Variants in CYP19A1 observed in about 807,000 individuals in gnomAD.
The protein encoded by CYP19A1 is aromatase.
A neutral mutation model predicts 44.4 loss-of-function variants in CYP19A1; 32 were observed. The observed-to-expected ratio is 0.72, with a 90% confidence interval of 0.54 to 0.97. The LOEUF is 0.97. Ranked by LOEUF, CYP19A1 falls within the 50% of genes least tolerant of loss-of-function variation. The pLI, the probability that CYP19A1 is intolerant of heterozygous loss-of-function variation, is 0.00. For synonymous variants in CYP19A1, 212 were observed against 215.6 expected (o/e 0.98, Z 0.14); for missense variants, 598 against 637.8 (o/e 0.94, Z 0.67).
At chr15:51,227,072 C>T (rs2032644426) in intron 4 of CYP19A1, among the ~76,000 whole-genome samples, 2 of 152,112 alleles carry the variant, frequency 1.3e-5, no homozygotes, top group Admixed American at 1.3e-4. Context: ...AAATTCTTAA[C>T]TGAAATTACT....
chr15:51,249,521 A>G (rs771782835), intron 1 of CYP19A1, among the ~76,000 whole-genome samples: 4 of 152,136 alleles, frequency 2.6e-5, no homozygotes, highest in Non-Finnish European at 5.9e-5. Context: ...AGAGCCTTGG[A>G]GGGTTTCATT....
chr15:51,307,446 C>T (rs971305510), intron 1 of CYP19A1, among the ~76,000 whole-genome samples: 6 of 152,120 alleles, frequency 3.9e-5, no homozygotes, highest in African/African-American at 1.4e-4. Context: ...TTTTAGTGTG[C>T]TTACTCTAAC....
intron 1 of CYP19A1, among the ~76,000 whole-genome samples, chr15:51,309,158 G>T (rs774146733): frequency 6.6e-6 from 1 of 152,132 alleles, no homozygotes; most frequent in Admixed American, 6.5e-5. Context: ...CATGAGGGTG[G>T]AGCCCACATG....
intron 1 of CYP19A1, among the ~76,000 whole-genome samples, chr15:51,269,472 C>T (rs1384813795): frequency 6.6e-6 from 1 of 151,954 alleles, no homozygotes; most frequent in Non-Finnish European, 1.5e-5. Flanking sequence ...GGAGGATGAG[C>T]TCTCCAACTT....
intron 1 of CYP19A1, among the ~76,000 whole-genome samples, chr15:51,323,380 C>T (rs536874227): frequency 4.4e-4 from 67 of 152,068 alleles, no homozygotes; most frequent in Non-Finnish European, 6.8e-4. Flanking sequence ...ACTAAGCTTC[C>T]GAAGAAAGTA....
At chr15:51,281,235 T>G (rs1185356041) in intron 1 of CYP19A1, among the ~76,000 whole-genome samples, 1 of 152,220 alleles carries the variant, frequency 6.6e-6, no homozygotes, top group Admixed American at 6.5e-5. Flanking sequence ...TCCAGTGTAG[T>G]GACCACAACT....
At chr15:51,258,295 A>C (rs1033557948) in intron 1 of CYP19A1, among the ~76,000 whole-genome samples, 8 of 152,182 alleles carry the variant, frequency 5.3e-5, no homozygotes, top group Non-Finnish European at 1.2e-4. Context: ...CTTCCAAATC[A>C]CAGTTCCTAG....
At chr15:51,303,038 A>G (rs1368988004) in intron 1 of CYP19A1, among the ~76,000 whole-genome samples, 2 of 152,140 alleles carry the variant, frequency 1.3e-5, no homozygotes, top group Non-Finnish European at 2.9e-5. Context: ...TGGTCTCCCA[A>G]CCCTGAAGGA....
In CYP19A1 at chr15:51,209,153, G is replaced by T. The variant is rs1332941183; in HGVS notation, c.*1655C>A. The T allele has an allele frequency of 6.6e-6, 1 of 152,154 alleles. No individual in the cohort carries two copies. Among genetic ancestry groups the T allele is most frequent in the East Asian group, 1.9e-4 (1 of 5,198 alleles). The allele number at this position is 152,154 out of a possible 1,614,324, so 9.4% of individuals were successfully genotyped here. ...CCATATATTTTTAGGCCATATAGAT[G>T]ATCCAAATAATTCCAAGCTCAAATA... On this transcript the variant is annotated 3_prime_UTR_variant, in exon 10 of 10. Transcript: ENST00000396402.
chr15:51,326,458 A>G (rs2036609819), intron 1 of CYP19A1, among the ~76,000 whole-genome samples: 1 of 152,242 alleles, frequency 6.6e-6, no homozygotes, highest in South Asian at 2.1e-4. Context: ...AGAATTTTCA[A>G]CTACGATAAA....
intron 1 of CYP19A1, among the ~76,000 whole-genome samples, chr15:51,269,097 T>G (rs1566904356): frequency 1.3e-5 from 2 of 152,156 alleles, no homozygotes; most frequent in Admixed American, 6.5e-5. Flanking sequence ...CTGAGAGACC[T>G]TTGTCTACTC....
At chr15:51,282,204 G>A (rs2035542477) in intron 1 of CYP19A1, among the ~76,000 whole-genome samples, 1 of 152,144 alleles carries the variant, frequency 6.6e-6, no homozygotes, top group South Asian at 2.1e-4. Flanking sequence ...CTTCATCCTT[G>A]TAGATGGAGC....
intron 1 of CYP19A1, among the ~76,000 whole-genome samples, chr15:51,275,586 C>T (rs2414102): frequency 1.3e-5 from 2 of 152,160 alleles, no homozygotes; most frequent in Non-Finnish European, 2.9e-5. Flanking sequence ...AATGGGGACA[C>T]GGAGACTTCT....
intron 1 of CYP19A1, among the ~76,000 whole-genome samples, chr15:51,253,548 T>C (rs983932870): frequency 1.3e-5 from 2 of 152,142 alleles, no homozygotes; most frequent in Non-Finnish European, 2.9e-5. Context: ...TTGCCTCCAG[T>C]GCCCCTTCCC....
chr15:51,218,816 G>A (rs1399899215), intron 5 of CYP19A1, among the ~76,000 whole-genome samples, 161 bp from the exon 6 acceptor site: 2 of 152,210 alleles, frequency 1.3e-5, no homozygotes, highest in East Asian at 1.9e-4. Flanking sequence ...TTTTAGCCAC[G>A]TGAATACCAC....
At chr15:51,243,067 TCAGA>T (rs2033874349) in intron 1 of CYP19A1, 117 bp from the exon 2 acceptor site, 7 of 729,782 alleles carry the variant, frequency 9.6e-6, no homozygotes, top group Non-Finnish European at 1.8e-5. Context: ...TATAATGTGA[TCAGA>T]CATTTAGGCA....
chr15:51,315,613 A>G (rs1188258505), intron 1 of CYP19A1, among the ~76,000 whole-genome samples: 3 of 152,250 alleles, frequency 2.0e-5, no homozygotes, highest in South Asian at 4.1e-4. Flanking sequence ...TAGAGGCTCA[A>G]GAAATAATTC....
chr15:51,279,186 A>G (rs2035430305), intron 1 of CYP19A1: 3 of 152,288 alleles, frequency 2.0e-5, no homozygotes, highest in African/African-American at 7.2e-5. Flanking sequence ...AAGCAAGATG[A>G]GAAGTAAAAA....
intron 1 of CYP19A1, among the ~76,000 whole-genome samples, chr15:51,247,814 C>G (rs1286793083): frequency 6.6e-6 from 1 of 152,124 alleles, no homozygotes; most frequent in Non-Finnish European, 1.5e-5. Context: ...TACCATATCC[C>G]TTCCCATCCC....
Sources: gnomAD v4.1 joint callset for allele counts (sites outside exome capture counted in the v4.1 genomes callset) on GRCh38, gnomAD v4.1.1 for gene constraint, MANE v1.5 for transcripts, NCBI Gene and HGNC (gene_info 2026-07-23, HGNC 2026-07-21) for gene names.